Variants in FAAH2 observed in about 807,000 individuals in gnomAD.
FAAH2 encodes fatty-acid amide hydrolase 2.
Under a neutral mutation model 36.9 loss-of-function variants are expected in FAAH2, and 60 were observed. That is an observed-to-expected ratio of 1.63 (90% CI 1.32 to 2.02). The LOEUF (loss-of-function observed/expected upper bound fraction) is 2.02. Among genes scored for constraint, FAAH2 ranks in the 30% most tolerant of loss-of-function variants. The pLI, the probability that FAAH2 is intolerant of heterozygous loss-of-function variation, is 0.00. For missense variants in FAAH2, 689 were observed against 397.5 expected (o/e 1.73, Z -6.23); for synonymous variants, 214 against 143.8 (o/e 1.49, Z -3.49).
intron 3 of FAAH2, among the ~76,000 whole-genome samples, chrX:57,314,888 GA>G (rs1457385900): frequency 2.7e-5 from 3 of 110,411 alleles, no homozygotes; most frequent in Non-Finnish European, 5.7e-5. Flanking sequence ...ACGATAATAA[GA>G]AAAAATCAAT....
In FAAH2 at chrX:57,331,712, G is replaced by A. The variant is rs369130547; in HGVS notation, c.527G>A (p.Cys176Tyr). The A allele has an allele frequency of 8.3e-7, 1 of 1,211,127 alleles. No homozygotes were observed. Residue 176 changes from cysteine to tyrosine, a missense_variant, in exon 4 of 11, where the codon TGT becomes TAT. Transcript: ENST00000374900. Reference sequence around the variant, plus strand: ...GCCATTCCTCTTGGCATAACCAACTGTAGTGAGTTGTGTATGTGGTATGAA... The same window carrying A: ...GCCATTCCTCTTGGCATAACCAACTATAGTGAGTTGTGTATGTGGTATGAA... ...AGAIPLGITN[C>Y]SELCMWYESS... is the part of the protein sequence containing the mutation.
chrX:57,225,474 C>T, the FAAH2 span, among the ~76,000 whole-genome samples: 1 of 111,648 alleles, frequency 9.0e-6, no homozygotes. Flanking sequence ...GAGTTCATTT[C>T]CAGTTTTATT....
At chrX:57,446,018 C>G (rs1261082235) in intron 8 of FAAH2, among the ~76,000 whole-genome samples, 1 of 112,584 alleles carries the variant, frequency 8.9e-6, no homozygotes, top group African/African-American at 3.2e-5. Context: ...GAGAATTTCC[C>G]TCATTCAGAA....
intron 7 of FAAH2, among the ~76,000 whole-genome samples, chrX:57,418,365 C>T (rs760887216): frequency 9.0e-6 from 1 of 111,702 alleles, no homozygotes. Context: ...GGTGTAGGCA[C>T]CTGAGGGAAT....
At chrX:57,477,974 C>A (rs751909437) in intron 10 of FAAH2, among the ~76,000 whole-genome samples, 1 of 111,983 alleles carries the variant, frequency 8.9e-6, no homozygotes, top group South Asian at 3.8e-4. Context: ...TTTACAGCAG[C>A]ATGATTTATA....
the FAAH2 span, among the ~76,000 whole-genome samples, chrX:57,177,641 GA>G: frequency 1.7e-3 from 97 of 55,657 alleles, 1 homozygote; most frequent in Middle Eastern, 0.012. Context: ...CCTGATGACT[GA>G]AAAAAAAAAA....
intron 3 of FAAH2, among the ~76,000 whole-genome samples, chrX:57,328,648 G>A (rs1346462902): frequency 8.9e-6 from 1 of 111,988 alleles, no homozygotes; most frequent in Non-Finnish European, 1.9e-5. Flanking sequence ...TTTTTGAATT[G>A]TCAGAGTTCT....
At chrX:57,235,333 G>T in the FAAH2 span, among the ~76,000 whole-genome samples, 1 of 111,699 alleles carries the variant, frequency 9.0e-6, no homozygotes, top group African/African-American at 3.3e-5. Context: ...ACCTTTAGGT[G>T]TTGGGGATGG....
At chrX:57,231,547 G>A in the FAAH2 span, among the ~76,000 whole-genome samples, 1 of 110,885 alleles carries the variant, frequency 9.0e-6, no homozygotes, top group Non-Finnish European at 1.9e-5. Context: ...TCCAACCCAG[G>A]GAATGTTGAT....
intron 2 of FAAH2, among the ~76,000 whole-genome samples, chrX:57,299,523 G>A (rs1243688732): frequency 3.6e-5 from 4 of 111,583 alleles, no homozygotes; most frequent in African/African-American, 6.5e-5. Context: ...AAAACTGGAA[G>A]CATTCCCTTT....
At chrX:57,137,102 A>T in the FAAH2 span, 1 of 764,568 alleles carries the variant, frequency 1.3e-6, no homozygotes, top group Non-Finnish European at 1.5e-6. Context: ...CGTCCACCGC[A>T]CTCCCCCACC....
chrX:57,246,967 A>G, the FAAH2 span, among the ~76,000 whole-genome samples: 4 of 111,910 alleles, frequency 3.6e-5, no homozygotes, highest in South Asian at 1.1e-3. Flanking sequence ...AAACAAATCC[A>G]TATGGCTAGG....
chrX:57,314,746 G>A (rs1404181816), intron 3 of FAAH2, among the ~76,000 whole-genome samples: 2 of 111,083 alleles, frequency 1.8e-5, no homozygotes, highest in East Asian at 5.6e-4. Context: ...AATGAAAATA[G>A]TGACACATCT....
intron 4 of FAAH2, among the ~76,000 whole-genome samples, chrX:57,338,574 C>T (rs1241376055): frequency 4.5e-5 from 5 of 111,507 alleles, no homozygotes; most frequent in African/African-American, 1.6e-4. Flanking sequence ...ACTCAGGATA[C>T]AAACTCAATG....
chrX:57,460,600 C>T lies in FAAH2; in HGVS notation c.1423+11882C>T, dbSNP rs145241320. Among the ~76,000 whole-genome samples, 105 of 111,740 alleles carry T rather than the reference C, an allele frequency of 9.4e-4. 1 individual carries two copies. The East Asian group carries it at 0.02, about 21-fold the overall frequency. ...AAAATCCTTTCCAGACAAGCAAATG[C>T]TCAGGGATTTTGTCACTACCAGGCC... On this transcript the variant is annotated intron_variant, in intron 10 of 10. Transcript: ENST00000374900.
chrX:57,437,330 G>A (rs1404332109), intron 8 of FAAH2, among the ~76,000 whole-genome samples: 2 of 110,716 alleles, frequency 1.8e-5, no homozygotes, highest in Non-Finnish European at 3.8e-5. Context: ...AGACAAGGAT[G>A]CCCACTTTCA....
rs780230156 is a variant in FAAH2 at position 57,310,666 on chromosome X, C to T, written c.349C>T (p.Leu117=). Residue 117 remains leucine (L), a synonymous_variant, in exon 3 of 11, where the codon CTG becomes TTG. Transcript: ENST00000374900. ...AGAGAAGCAGGAAGATGAAGCCACCCTGGAAAATAAATGGCCCTTCCTTGG... is the reference window on the plus strand; with the variant it reads ...AGAGAAGCAGGAAGATGAAGCCACCTTGGAAAATAAATGGCCCTTCCTTGG... ...LAEKQEDEAT[L]ENKWPFLGVP... 42 of 1,208,845 alleles carry T rather than the reference C, an allele frequency of 3.5e-5. No homozygotes were observed. Among genetic ancestry groups the T allele is most frequent in the Non-Finnish European group, 4.4e-5 (39 of 893,983 alleles).
At chrX:57,175,585 G>T in the FAAH2 span, among the ~76,000 whole-genome samples, 4 of 111,638 alleles carry the variant, frequency 3.6e-5, no homozygotes, top group African/African-American at 1.3e-4. Context: ...ATATTGAGAT[G>T]TGAGGTACTA....
chrX:57,165,091 G>A, the FAAH2 span, among the ~76,000 whole-genome samples: 2 of 112,318 alleles, frequency 1.8e-5, no homozygotes, highest in East Asian at 2.8e-4. Context: ...CACTGTTGGT[G>A]GGACTCTAAA....
Sources: gnomAD v4.1 joint callset for allele counts (sites outside exome capture counted in the v4.1 genomes callset) on GRCh38, gnomAD v4.1.1 for gene constraint, MANE v1.5 for transcripts, NCBI Gene and HGNC (gene_info 2026-07-23, HGNC 2026-07-21) for gene names.